Variants in KIF16B observed in about 807,000 individuals in gnomAD.
The protein encoded by KIF16B is kinesin family member 16B.
A neutral mutation model predicts 156.3 loss-of-function variants in KIF16B; 98 were observed. The ratio of observed to expected loss-of-function variants is 0.63; its 90% confidence interval spans 0.53 to 0.74. The LOEUF is 0.74. Ranked by LOEUF, KIF16B falls within the 30% of genes least tolerant of loss-of-function variation. The probability of loss-of-function intolerance (pLI) is 0.00; values close to 1 mark genes in which losing one functional copy is unlikely to be tolerated. For synonymous variants in KIF16B, 564 were observed against 583.7 expected (o/e 0.97, Z 0.49); for missense variants, 1,421 against 1,606.5 (o/e 0.88, Z 1.97).
intron 15 of KIF16B, among the ~76,000 whole-genome samples, chr20:16,407,179 C>T (rs907264771): frequency 6.6e-6 from 1 of 152,132 alleles, no homozygotes; most frequent in African/African-American, 2.4e-5. Context: ...CTTGATGAAG[C>T]AAACAAACCC....
intron 1 of KIF16B, among the ~76,000 whole-genome samples, chr20:16,561,382 A>G (rs1472321938): frequency 3.3e-5 from 5 of 152,212 alleles, no homozygotes; most frequent in African/African-American, 4.8e-5. Flanking sequence ...ACATAGTTCT[A>G]TACAATCATC....
intron 15 of KIF16B, among the ~76,000 whole-genome samples, chr20:16,415,774 T>C (rs900792114): frequency 1.3e-5 from 2 of 152,136 alleles, no homozygotes; most frequent in African/African-American, 2.4e-5. Flanking sequence ...GAATTCAACT[T>C]TGGGTACATT....
At chr20:16,508,823 C>T (rs1445137763) in intron 6 of KIF16B, among the ~76,000 whole-genome samples, 1 of 152,214 alleles carries the variant, frequency 6.6e-6, no homozygotes, top group African/African-American at 2.4e-5. Context: ...AATGCAAAAG[C>T]ACTGCCTTCA....
chr20:16,417,110 G>C (rs546172330), intron 15 of KIF16B, among the ~76,000 whole-genome samples: 1 of 152,292 alleles, frequency 6.6e-6, no homozygotes, highest in East Asian at 1.9e-4. Flanking sequence ...AAGATTTCCA[G>C]GGAAGGGAAG....
chr20:16,291,864 G>A (rs893154586), intron 25 of KIF16B, among the ~76,000 whole-genome samples: 16 of 152,126 alleles, frequency 1.1e-4, no homozygotes, highest in Admixed American at 2.6e-4. Context: ...CATAAATACC[G>A]CACACCCTGG....
At chr20:16,542,837 T>C (rs1001559806) in intron 1 of KIF16B, among the ~76,000 whole-genome samples, 1 of 152,202 alleles carries the variant, frequency 6.6e-6, no homozygotes, top group African/African-American at 2.4e-5. Flanking sequence ...CACCAGGTTT[T>C]GTGTACAGGG....
At chr20:16,376,516 G>A (rs1259983582) in intron 19 of KIF16B, among the ~76,000 whole-genome samples, 13 of 152,202 alleles carry the variant, frequency 8.5e-5, no homozygotes, top group Admixed American at 8.5e-4. Context: ...AGAAAATGAA[G>A]CACAACAGAA....
chr20:16,412,355 T>C (rs1480570890), intron 15 of KIF16B, among the ~76,000 whole-genome samples: 1 of 152,082 alleles, frequency 6.6e-6, no homozygotes. Context: ...GCAGATGTAC[T>C]GGGCACAGGC....
At position 16,272,907 on chromosome 20, in the gene KIF16B, C is replaced by T. The variant is rs979183029; in HGVS notation, c.*346G>A. 3 of 190,634 alleles carry T rather than the reference C, an allele frequency of 1.6e-5. No individual in the cohort carries two copies. In the Admixed American group the frequency reaches 1.8e-4, roughly 11 times the overall value. 11.8% of individuals were successfully genotyped at this position (190,634 alleles called of 1,614,324 possible). ...GTAAGCCACCCACTTTGGGAGGTCC[C>T]AGGCTGGCTGGGCTCAGGGAACCCA... On this transcript the variant is annotated 3_prime_UTR_variant, in exon 26 of 26. Transcript: ENST00000354981.
At chr20:16,568,899 G>C (rs1168144203) in intron 1 of KIF16B, among the ~76,000 whole-genome samples, 1 of 139,218 alleles carries the variant, frequency 7.2e-6, no homozygotes, top group African/African-American at 2.6e-5. Context: ...CTTTGAGCAA[G>C]TTAACTATGT....
At chr20:16,347,592 G>A (rs541862243) in intron 23 of KIF16B, among the ~76,000 whole-genome samples, 1 of 152,264 alleles carries the variant, frequency 6.6e-6, no homozygotes, top group Non-Finnish European at 1.5e-5. Flanking sequence ...TCACTTTTCA[G>A]TAGAAGACTG....
intron 12 of KIF16B, among the ~76,000 whole-genome samples, chr20:16,449,109 T>A (rs1472032513): frequency 6.6e-6 from 1 of 151,424 alleles, no homozygotes; most frequent in Admixed American, 6.6e-5. Context: ...AAATGGAAAT[T>A]GTCAATGAAA....
rs569331482 is a variant in KIF16B at position 16,546,317 on chromosome 20, A to T, written c.48-17877T>A. On this transcript the variant is annotated intron_variant, in intron 1 of 25. Coordinates refer to ENST00000354981, the MANE Select transcript of KIF16B (RefSeq NM_024704.5). ...ACAATTTTTTGCTGAAAGATGTGATAGAAGAAAACAGACAATATAAGGCCA... is the reference window on the plus strand; with the variant it reads ...ACAATTTTTTGCTGAAAGATGTGATTGAAGAAAACAGACAATATAAGGCCA... 3.9e-5 allele frequency among the ~76,000 whole-genome samples: 6 copies of T among 152,358 alleles called. No individual in the cohort carries two copies. The East Asian group carries it at 1.2e-3, about 29-fold the overall frequency.
chr20:16,562,507 G>A (rs1047591333), intron 1 of KIF16B, among the ~76,000 whole-genome samples: 62 of 152,242 alleles, frequency 4.1e-4, no homozygotes, highest in African/African-American at 1.5e-3. Context: ...TGCAACAAAC[G>A]CCGTGACTAC....
chr20:16,484,687 T>G (rs2068068747), intron 12 of KIF16B, among the ~76,000 whole-genome samples: 1 of 152,326 alleles, frequency 6.6e-6, no homozygotes, highest in Admixed American at 6.5e-5. Context: ...TGGCTTTTGT[T>G]CAAACCGACT....
intron 25 of KIF16B, among the ~76,000 whole-genome samples, chr20:16,287,752 AC>A (rs1385202245): frequency 6.6e-6 from 1 of 152,170 alleles, no homozygotes; most frequent in East Asian, 1.9e-4. Flanking sequence ...TTCTGGGGAA[AC>A]CTCACAAATA....
chr20:16,567,065 T>G (rs932912357), intron 1 of KIF16B, among the ~76,000 whole-genome samples: 1 of 152,184 alleles, frequency 6.6e-6, no homozygotes, highest in Non-Finnish European at 1.5e-5. Flanking sequence ...CCTGCCCACC[T>G]CTCAACTAAG....
At chr20:16,506,749 T>A (rs2068791211) in intron 7 of KIF16B, among the ~76,000 whole-genome samples, 1 of 152,036 alleles carries the variant, frequency 6.6e-6, no homozygotes, top group Non-Finnish European at 1.5e-5. Context: ...TGAACCAAAA[T>A]GCGCCCCCCG....
chr20:16,468,570 C>T (rs112132131), intron 12 of KIF16B, among the ~76,000 whole-genome samples: 13,450 of 106,512 alleles, frequency 0.13, 940 homozygotes, highest in Non-Finnish European at 0.17. Context: ...AGCAAGACTC[C>T]GTCTCAAAAA....
Sources: allele counts gnomAD v4.1 joint callset (sites outside exome capture counted in the v4.1 genomes callset), GRCh38; gene constraint gnomAD v4.1.1; transcripts MANE v1.5; gene names NCBI Gene and HGNC (gene_info 2026-07-23, HGNC 2026-07-21).